GOLGA4: variants seen among roughly 807,000 people sequenced by gnomAD.
GOLGA4 encodes the protein golgin A4.
In GOLGA4, 169 loss-of-function variants were observed where a neutral mutation model predicts 265.9. The ratio of observed to expected loss-of-function variants is 0.64; its 90% CI spans 0.56 to 0.72. The LOEUF is 0.72. GOLGA4 is among the 30% of genes least tolerant of loss of function. The probability of loss-of-function intolerance (pLI) is 0.00; values close to 1 mark genes in which losing one functional copy is unlikely to be tolerated. For missense variants in GOLGA4, 2,482 were observed against 2,483.4 expected (o/e 1.00, Z 0.01); for synonymous variants, 923 against 855.8 (o/e 1.08, Z -1.37).
Position 37,309,167 on chromosome 3 carries a change from G to A in GOLGA4, c.1235-6253G>A, listed in dbSNP as rs187782150. Among the ~76,000 whole-genome samples the A allele has an allele frequency of 4.9e-3, 751 of 152,002 alleles. 2 individuals carry two copies. Among genetic ancestry groups the A allele is most frequent in the African/African-American group, 0.017 (712 of 41,476 alleles). Reference sequence around the variant, plus strand: ...CTCGGGAAGTTGAGGCAGGAGAATCGCTTGAACCTGGGAGGTGGAGGTTGC... The same window carrying A: ...CTCGGGAAGTTGAGGCAGGAGAATCACTTGAACCTGGGAGGTGGAGGTTGC... On this transcript the variant is annotated intron_variant, in intron 10 of 23. Transcript: ENST00000361924.
intron 21 of GOLGA4, among the ~76,000 whole-genome samples, chr3:37,348,981 A>G (rs1046982025): frequency 6.6e-6 from 1 of 152,140 alleles, no homozygotes; most frequent in African/African-American, 2.4e-5. Flanking sequence ...GGGATGTCCC[A>G]TGGCACAAGC....
intron 2 of GOLGA4, among the ~76,000 whole-genome samples, chr3:37,279,347 A>G (rs1388998093): frequency 6.6e-6 from 1 of 152,218 alleles, no homozygotes; most frequent in Non-Finnish European, 1.5e-5. Flanking sequence ...ACACTGGTGT[A>G]CAACATAGTT....
chr3:37,290,243 A>G (rs1480196341), intron 5 of GOLGA4, among the ~76,000 whole-genome samples: 2 of 152,186 alleles, frequency 1.3e-5, no homozygotes, highest in Non-Finnish European at 2.9e-5. Context: ...ATAGATTAGG[A>G]TGATATCATC....
At chr3:37,344,051 T>C (rs2097047948) in intron 20 of GOLGA4, among the ~76,000 whole-genome samples, 1 of 152,250 alleles carries the variant, frequency 6.6e-6, no homozygotes, top group Admixed American at 6.5e-5. Flanking sequence ...ATGGTTACCT[T>C]GAGGTACAAC....
intron 2 of GOLGA4, among the ~76,000 whole-genome samples, chr3:37,274,598 G>T (rs768230812): frequency 2.8e-4 from 42 of 152,068 alleles, no homozygotes; most frequent in Non-Finnish European, 5.7e-4. Flanking sequence ...GGGGACTGAG[G>T]CATGTGAATT....
chr3:37,324,032 A>G lies in GOLGA4; in HGVS notation c.2146A>G (p.Lys716Glu), dbSNP rs187231530. The change falls in exon 14 of 24, where the codon AAA (lysine) becomes GAA (glutamate). Residue 716 changes from lysine (K) to glutamate (E), a missense_variant. Physicochemically the swap from Lys to Glu is moderately conservative, Grantham distance 56. Transcript: ENST00000361924. ...TTCTGTTCTGAAAGATCAAACAGAT[A>G]AAATGAAGCAGGAATTAGAGGCCAA... is the stretch of plus-strand genomic sequence containing the variant. ...ELSVLKDQTD[K>E]MKQELEAKMD... 1 of 1,614,016 alleles carries G rather than the reference A, an allele frequency of 6.2e-7. No homozygotes were observed. The highest frequency in any genetic ancestry group is 1.3e-5 in the African/African-American group (1 of 75,066).
intron 1 of GOLGA4, among the ~76,000 whole-genome samples, chr3:37,245,124 A>G (rs1414077766): frequency 1.3e-5 from 2 of 152,248 alleles, no homozygotes; most frequent in African/African-American, 4.8e-5. Flanking sequence ...CCAACAATAG[A>G]GAATTGGTTA....
chr3:37,318,226 T>C (rs1417475097), intron 11 of GOLGA4, among the ~76,000 whole-genome samples: 1 of 152,188 alleles, frequency 6.6e-6, no homozygotes, highest in East Asian at 1.9e-4. Flanking sequence ...TATCTTTTTT[T>C]TGTAGAGACG....
intron 2 of GOLGA4, among the ~76,000 whole-genome samples, chr3:37,276,949 C>T (rs1435576338): frequency 4.6e-5 from 7 of 152,072 alleles, no homozygotes; most frequent in Non-Finnish European, 1.0e-4. Context: ...TTCTGTTACT[C>T]TCTGTTATTA....
At chr3:37,276,578 A>G in intron 2 of GOLGA4, 2 of 1,590,830 alleles carry the variant, frequency 1.3e-6, no homozygotes, top group Admixed American at 1.7e-5. Flanking sequence ...TGAATGTGGA[A>G]ATCGATGGAA....
intron 10 of GOLGA4, 99 bp downstream of exon 10, chr3:37,302,431 T>G (rs1003889806): frequency 9.4e-7 from 1 of 1,066,334 alleles, no homozygotes; most frequent in African/African-American, 1.6e-5. Flanking sequence ...TGATAAAAAT[T>G]CTTAACTATA....
chr3:37,243,497 G>A lies in GOLGA4; in HGVS notation c.-54G>A, dbSNP rs1026751693. ...GTAGCCGTCGCGGCCGGGACTCCCC[G>A]GGCTCTCGCCCTTCAGGTTTCGTTG... On this transcript the variant is annotated 5_prime_UTR_variant, in exon 1 of 24. Coordinates refer to ENST00000361924, the MANE Select transcript of GOLGA4 (RefSeq NM_002078.5). 1.3e-6 allele frequency: 2 copies of A among 1,532,136 alleles called. No homozygotes were observed. Among genetic ancestry groups the A allele is most frequent in the African/African-American group, 1.4e-5 (1 of 73,462 alleles). The allele number at this position is 1,532,136 out of a possible 1,614,324, so 94.9% of individuals were successfully genotyped here. A position where few individuals can be genotyped will look rare whatever the true frequency, so the allele number is the denominator to read the frequency against.
At chr3:37,276,122 T>A (rs966751674) in intron 2 of GOLGA4, 3 of 1,609,620 alleles carry the variant, frequency 1.9e-6, no homozygotes, top group Admixed American at 3.4e-5. Context: ...GCAGTTGAAG[T>A]GTAGGGAGAT....
At chr3:37,265,147 G>GTT (rs1491420327) in intron 2 of GOLGA4, among the ~76,000 whole-genome samples, 42 of 151,080 alleles carry the variant, frequency 2.8e-4, no homozygotes, top group African/African-American at 9.3e-4. Flanking sequence ...GTGTGTGTGT[G>GTT]TATAATTCTA....
chr3:37,333,307 A>G (rs184620587), intron 16 of GOLGA4, among the ~76,000 whole-genome samples: 1 of 152,230 alleles, frequency 6.6e-6, no homozygotes, highest in African/African-American at 2.4e-5. Flanking sequence ...TCTTCAAAAC[A>G]TAACCTGTTA....
At chr3:37,259,458 A>G (rs552654610) in intron 2 of GOLGA4, among the ~76,000 whole-genome samples, 1 of 152,280 alleles carries the variant, frequency 6.6e-6, no homozygotes, top group East Asian at 1.9e-4. Context: ...TGAGGCAAAA[A>G]CCTTTGCTTT....
chr3:37,343,649 C>T (rs550598475), intron 20 of GOLGA4, among the ~76,000 whole-genome samples: 8 of 152,172 alleles, frequency 5.3e-5, no homozygotes, highest in Non-Finnish European at 1.2e-4. Context: ...ATGAGAAAAC[C>T]AACTTACTTG....
intron 2 of GOLGA4, chr3:37,266,844 A>G (rs1024861298): frequency 3.9e-6 from 5 of 1,266,456 alleles, no homozygotes; most frequent in African/African-American, 1.5e-5. Flanking sequence ...TGAGACAGCT[A>G]CTAGCCGGGA....
intron 13 of GOLGA4, among the ~76,000 whole-genome samples, chr3:37,322,562 C>G (rs1157930746): frequency 6.6e-6 from 1 of 152,174 alleles, no homozygotes; most frequent in African/African-American, 2.4e-5. Flanking sequence ...TTTTCCATCA[C>G]TAACACTTGC....
Sources: gnomAD v4.1 joint callset for allele counts (sites outside exome capture counted in the v4.1 genomes callset) on GRCh38, gnomAD v4.1.1 for gene constraint, MANE v1.5 for transcripts, NCBI Gene and HGNC (gene_info 2026-07-23, HGNC 2026-07-21) for gene names.